SERPINA12: variants seen among roughly 807,000 people sequenced by gnomAD.
SERPINA12 encodes serpin family A member 12, also known as serpin A12.
Under a neutral mutation model 25.9 loss-of-function variants are expected in SERPINA12, and 21 were observed. The observed-to-expected ratio is 0.81, with a 90% CI of 0.58 to 1.17. SERPINA12 has a LOEUF of 1.17. Among genes scored for constraint, SERPINA12 ranks in the 50% most tolerant of loss-of-function variants. The pLI is 0.00. For synonymous variants in SERPINA12, 220 were observed against 196.0 expected (o/e 1.12, Z -1.02); for missense variants, 562 against 508.3 (o/e 1.11, Z -1.02).
intron 1 of SERPINA12, among the ~76,000 whole-genome samples, chr14:94,504,794 G>A (rs1240874857): frequency 6.6e-6 from 1 of 152,206 alleles, no homozygotes; most frequent in East Asian, 1.9e-4. Flanking sequence ...CTGGGGTGAT[G>A]AGACTATGGC....
chr14:94,515,261 G>C (rs957942063), intron 2 of SERPINA12, among the ~76,000 whole-genome samples: 2 of 152,176 alleles, frequency 1.3e-5, no homozygotes, highest in African/African-American at 2.4e-5. Flanking sequence ...GTTGCTGCTT[G>C]GTGAGAATTT....
Position 94,497,910 on chromosome 14 carries a change from A to G in SERPINA12, c.488T>C (p.Ile163Thr), listed in dbSNP as rs148004456. The change falls in exon 2 of 5, where the codon ATC (isoleucine) becomes ACC (threonine). Residue 163 changes from isoleucine to threonine, a missense_variant. Transcript: ENST00000677451. ...TTCCAAATTCTGAAAGTTGGTAAGG[A>G]TGGTTTCGGCACTGTAAAAGTTCTT... ...DAKNFYSAET[I>T]LTNFQNLEMA... The G allele has an allele frequency of 2.2e-5, 36 of 1,614,148 alleles. No homozygotes were observed. In the African/African-American group the frequency reaches 4.7e-4, roughly 21 times the overall value.
chr14:94,498,182 G>A lies in SERPINA12; in HGVS notation c.216C>T (p.Ile72=), dbSNP rs1286784103. The A allele has an allele frequency of 1.2e-6, 2 of 1,614,206 alleles. No individual in the cohort carries two copies. The highest frequency in any genetic ancestry group is 1.7e-5 in the Admixed American group (1 of 60,026). Residue 72 remains isoleucine (I), a synonymous_variant, in exon 2 of 5, where the codon ATC becomes ATT. Transcript: ENST00000677451. ...KLAFYNPGRN[I]FLSPLSISTA... ...TAGAGATGCTCAAGGGGGATAGGAA[G>A]ATGTTCCTGCCAGGGTTGTAAAAGG...
upstream of SERPINA12, among the ~76,000 whole-genome samples, chr14:94,512,811 T>G (rs1389067783): frequency 6.6e-6 from 1 of 152,218 alleles, no homozygotes; most frequent in Non-Finnish European, 1.5e-5. Context: ...CTACTGACTA[T>G]TTTGTGTGCT....
Position 94,498,021 on chromosome 14 carries a change from T to G in SERPINA12, c.377A>C (p.Lys126Thr), listed in dbSNP as rs1056703619. The change falls in exon 2 of 5, where the codon AAG (lysine) becomes ACG (threonine). Residue 126 changes from lysine (K) to threonine (T), a missense_variant. Transcript: ENST00000677451. ...AATGCTCAGTTTGAGGTCCTGGGTC[T>G]TCTGGGTCAGCTCGTGGATGATGTA... ...FHYIIHELTQKTQDLKLSIGN... is the reference protein window; with the variant it reads ...FHYIIHELTQTTQDLKLSIGN... 5.0e-6 allele frequency: 8 copies of G among 1,614,088 alleles called. No individual in the cohort carries two copies. Among genetic ancestry groups the G allele is most frequent in the Middle Eastern group, 3.3e-4 (2 of 6,084 alleles).
chr14:94,495,470 A>G (rs1900379010), intron 3 of SERPINA12, among the ~76,000 whole-genome samples: 1 of 152,184 alleles, frequency 6.6e-6, no homozygotes, highest in Non-Finnish European at 1.5e-5. Context: ...GCATCAGTTC[A>G]GTTACCACCC....
upstream of SERPINA12, among the ~76,000 whole-genome samples, chr14:94,513,082 T>C (rs1179842864): frequency 1.3e-5 from 2 of 152,240 alleles, no homozygotes; most frequent in Non-Finnish European, 2.9e-5. Context: ...CGGCTCACCA[T>C]GCAGGTGGAA....
intron 2 of SERPINA12, 123 bp from the exon 3 acceptor site, chr14:94,496,766 G>A (rs564427043): frequency 8.8e-6 from 7 of 798,706 alleles, no homozygotes; most frequent in Non-Finnish European, 1.2e-5. Flanking sequence ...GGGATATCAG[G>A]GAAGTCCTTG....
Position 94,498,059 on chromosome 14 carries a change from A to G in SERPINA12, c.339T>C (p.His113=), listed in dbSNP as rs753205255. 1.2e-6 allele frequency: 2 copies of G among 1,614,188 alleles called. No homozygotes were observed. The highest frequency in any genetic ancestry group is 3.3e-5 in the Admixed American group (2 of 60,028). The change falls in exon 2 of 5, where the codon CAT becomes CAC. Residue 113 remains histidine, a synonymous_variant. Transcript: ENST00000677451. ...CGTGGATGATGTAATGGAAGCCCTC[A>G]TGAAGATCTTTTTCTGGCATCTTTC... The part of the protein sequence containing the change: ...NFRKMPEKDL[H]EGFHYIIHEL...
Position 94,489,764 on chromosome 14 carries a change from G to A in SERPINA12, c.909C>T (p.Val303=). Residue 303 remains valine, a synonymous_variant, in exon 4 of 5, where the codon GTC becomes GTT. Coordinates refer to ENST00000677451, the MANE Select transcript of SERPINA12 (RefSeq NM_001382267.1). The part of the protein sequence containing the change: ...SRWKTLLSRR[V]VDVSVPRLHM... The stretch of plus-strand genomic sequence containing the variant: ...GGAGTCTGGGTACAGACACGTCTAC[G>A]ACCCTGGGGAATTGACACGACAAGG... 1.9e-6 allele frequency: 3 copies of A among 1,613,840 alleles called. No homozygotes were observed. The highest frequency in any genetic ancestry group is 2.5e-6 in the Non-Finnish European group (3 of 1,179,822).
chr14:94,516,794 C>T (rs1436738111), intron 1 of SERPINA12, among the ~76,000 whole-genome samples: 5 of 152,310 alleles, frequency 3.3e-5, no homozygotes, highest in Admixed American at 1.3e-4. Context: ...ACCATCCAAA[C>T]CTGGTTCAGG....
At position 94,498,085 on chromosome 14, in the gene SERPINA12, T is replaced by A; in HGVS notation, c.313A>T (p.Arg105Ter). The A allele has an allele frequency of 6.2e-7, 1 of 1,614,200 alleles. No individual in the cohort carries two copies. The highest frequency in any genetic ancestry group is 1.7e-5 in the Admixed American group (1 of 60,028). ...LDEIKQGFNF[R>*]KMPEKDLHEG... ...TGAAGATCTTTTTCTGGCATCTTTC[T>A]GAAGTTGAACCCCTGCTTGATCTCG... Residue 105 changes from arginine (R) to a stop codon, truncating the protein, a stop_gained, in exon 2 of 5, where the codon AGA becomes TGA. Transcript: ENST00000677451. LOFTEE classifies it high-confidence loss of function.
At chr14:94,497,691 G>T in intron 2 of SERPINA12, 73 bp downstream of exon 2, 1 of 1,424,356 alleles carries the variant, frequency 7.0e-7, no homozygotes, top group Non-Finnish European at 9.5e-7. Context: ...GTAAACAAGT[G>T]GCCAACCCAG....
intron 1 of SERPINA12, chr14:94,503,404 G>A: frequency 1.4e-6 from 1 of 739,178 alleles, no homozygotes; most frequent in Non-Finnish European, 1.7e-6. Context: ...GTCAGGCACT[G>A]GGGCACTAGA....
intron 1 of SERPINA12, among the ~76,000 whole-genome samples, chr14:94,506,988 C>A (rs1294409570): frequency 6.6e-6 from 1 of 152,182 alleles, no homozygotes; most frequent in Non-Finnish European, 1.5e-5. Context: ...GAGAATCCAA[C>A]AGAGCCACAC....
At chr14:94,514,460 T>A (rs1901181994), upstream of SERPINA12, among the ~76,000 whole-genome samples, 1 of 152,226 alleles carries the variant, frequency 6.6e-6, no homozygotes, top group Admixed American at 6.5e-5. Context: ...ACTCACCTAG[T>A]TATGGCTGGT....
intron 1 of SERPINA12, among the ~76,000 whole-genome samples, 200 bp downstream of exon 1, chr14:94,509,142 C>A (rs1219662481): frequency 6.6e-6 from 1 of 152,098 alleles, no homozygotes; most frequent in Non-Finnish European, 1.5e-5. Flanking sequence ...ATCTTGGCAG[C>A]CAGCACAGAC....
At chr14:94,511,369 CG>C (rs377197639), upstream of SERPINA12, 876 of 978,608 alleles carry the variant, frequency 9.0e-4, 8 homozygotes, top group African/African-American at 0.015. Flanking sequence ...AAATGTCACA[CG>C]GTTATTTAAT....
intron 1 of SERPINA12, 48 bp from the exon 2 acceptor site, chr14:94,498,478 T>C: frequency 6.9e-7 from 1 of 1,446,576 alleles, no homozygotes; most frequent in Non-Finnish European, 9.4e-7. Context: ...TGCCTACATG[T>C]TACCCAGAGG....
Sources: allele counts gnomAD v4.1 joint callset (sites outside exome capture counted in the v4.1 genomes callset), GRCh38; gene constraint gnomAD v4.1.1; transcripts MANE v1.5; gene names NCBI Gene and HGNC (gene_info 2026-07-23, HGNC 2026-07-21).